Variants in RNGTT observed in about 807,000 individuals in gnomAD.
The protein encoded by RNGTT is RNA guanylyltransferase and 5'-phosphatase, also known as mRNA-capping enzyme.
RNGTT carries 33 observed loss-of-function variants against 79.3 expected under a neutral mutation model. The ratio of observed to expected loss-of-function variants is 0.42; its 90% CI spans 0.32 to 0.56. The LOEUF (loss-of-function observed/expected upper bound fraction) is 0.56. RNGTT is among the 20% of genes least tolerant of loss of function. RNGTT has a pLI of 0.17. For synonymous variants in RNGTT, 222 were observed against 235.9 expected (o/e 0.94, Z 0.54); for missense variants, 497 against 739.1 (o/e 0.67, Z 3.80).
At chr6:88,836,230 TTA>T (rs889546133) in intron 11 of RNGTT, among the ~76,000 whole-genome samples, 8 of 149,566 alleles carry the variant, frequency 5.3e-5, no homozygotes, top group Admixed American at 6.7e-5. Context: ...TGAATGAGAT[TTA>T]TATATATATA....
At chr6:88,803,681 G>C (rs898608542) in intron 11 of RNGTT, among the ~76,000 whole-genome samples, 1 of 130,434 alleles carries the variant, frequency 7.7e-6, no homozygotes, top group African/African-American at 2.9e-5. Context: ...AAAAAAAAAA[G>C]GTTAAAAAAA....
intron 4 of RNGTT, among the ~76,000 whole-genome samples, chr6:88,919,121 T>C (rs1784084920): frequency 6.6e-6 from 1 of 152,202 alleles, no homozygotes; most frequent in African/African-American, 2.4e-5. Flanking sequence ...ATGTGGGAGA[T>C]TATGTATTTG....
chr6:88,724,081 A>T (rs1776802576), intron 13 of RNGTT, among the ~76,000 whole-genome samples: 2 of 152,350 alleles, frequency 1.3e-5, no homozygotes, highest in Admixed American at 1.3e-4. Flanking sequence ...TTAAAAAAAA[A>T]TCCTAAAAGT....
Position 88,612,609 on chromosome 6 carries a change from G to T in RNGTT, c.*110C>A. 8.4e-7 allele frequency: 1 copy of T among 1,188,340 alleles called. No individual in the cohort carries two copies. The highest frequency in any genetic ancestry group is 1.2e-6 in the Non-Finnish European group (1 of 836,116). 73.6% of individuals were successfully genotyped at this position (1,188,340 alleles called of 1,614,324 possible). A position where few individuals can be genotyped will look rare whatever the true frequency, so the allele number is the denominator to read the frequency against. ...CTTTTTTTAAAAAAAATTCAAATGT[G>T]TATCAACATCAAGCCACAGTCGTTT... is the stretch of plus-strand genomic sequence containing the variant. On this transcript the variant is annotated 3_prime_UTR_variant, in exon 16 of 16. Coordinates refer to ENST00000369485, the MANE Select transcript of RNGTT (RefSeq NM_003800.5).
intron 13 of RNGTT, among the ~76,000 whole-genome samples, chr6:88,731,511 G>C (rs1008654951): frequency 6.6e-6 from 1 of 152,168 alleles, no homozygotes; most frequent in Non-Finnish European, 1.5e-5. Flanking sequence ...CTAATGGATA[G>C]ATAGTATGCA....
At chr6:88,787,588 G>T (rs12196560) in intron 12 of RNGTT, among the ~76,000 whole-genome samples, 1 of 152,234 alleles carries the variant, frequency 6.6e-6, no homozygotes, top group Non-Finnish European at 1.5e-5. Flanking sequence ...GAACCCAGGA[G>T]GCTGAGGTTG....
intron 13 of RNGTT, among the ~76,000 whole-genome samples, chr6:88,729,169 C>T (rs139096077): frequency 2.0e-5 from 3 of 152,148 alleles, no homozygotes; most frequent in Non-Finnish European, 2.9e-5. Context: ...GTGTCTCTCA[C>T]GACAGGCAGG....
intron 13 of RNGTT, among the ~76,000 whole-genome samples, chr6:88,749,842 A>G (rs1777783684): frequency 6.6e-6 from 1 of 152,180 alleles, no homozygotes; most frequent in East Asian, 1.9e-4. Flanking sequence ...CTGATAATCA[A>G]GATGTAGACA....
At chr6:88,823,087 A>G (rs932478344) in intron 11 of RNGTT, among the ~76,000 whole-genome samples, 2 of 152,244 alleles carry the variant, frequency 1.3e-5, no homozygotes, top group African/African-American at 4.8e-5. Context: ...AAAATAATTC[A>G]TAAATCAAAC....
chr6:88,757,234 A>T (rs1257918533), intron 13 of RNGTT, among the ~76,000 whole-genome samples: 1 of 152,228 alleles, frequency 6.6e-6, no homozygotes, highest in African/African-American at 2.4e-5. Context: ...ATGGAGATAC[A>T]TGAATGGGAG....
chr6:88,809,805 T>G (rs1411898396), intron 11 of RNGTT, among the ~76,000 whole-genome samples: 1 of 151,454 alleles, frequency 6.6e-6, no homozygotes, highest in Non-Finnish European at 1.5e-5. Flanking sequence ...TCCCAGCACT[T>G]TGGGAGGCTG....
Position 88,714,685 on chromosome 6 carries a change from G to A in RNGTT, c.1440-36266C>T, listed in dbSNP as rs565263012. On this transcript the variant is annotated intron_variant, in intron 13 of 15. Coordinates refer to ENST00000369485, the MANE Select transcript of RNGTT (RefSeq NM_003800.5). ...TCTCGATCTCCTGACCTCGTGATCC[G>A]CCCGCCTCGGCCTCCCAAAGTGCTG... Among the ~76,000 whole-genome samples, 724 of 89,962 alleles carry A rather than the reference G, an allele frequency of 8.0e-3. 85 individuals carry two copies. Among genetic ancestry groups the A allele is most frequent in the South Asian group, 0.027 (83 of 3,102 alleles). 59.0% of individuals were successfully genotyped at this position (89,962 alleles called of 152,430 possible).
At chr6:88,856,754 G>A (rs1321086) in intron 8 of RNGTT, among the ~76,000 whole-genome samples, 1 of 151,920 alleles carries the variant, frequency 6.6e-6, no homozygotes, top group Non-Finnish European at 1.5e-5. Flanking sequence ...CAAAAAGTAA[G>A]GAGCTATTTC....
At position 88,610,288 on chromosome 6, in the gene RNGTT, T is replaced by A. The variant is rs1235250393; in HGVS notation, c.*2431A>T. The A allele has an allele frequency of 6.6e-6, 1 of 152,650 alleles. No individual in the cohort carries two copies. 9.5% of individuals were successfully genotyped at this position (152,650 alleles called of 1,614,324 possible). ...CACTTATGCTAATTTAAATCAGTAG[T>A]TTTATTACAATACGCACTGACACAC... On this transcript the variant is annotated 3_prime_UTR_variant, in exon 16 of 16. Coordinates refer to ENST00000369485, the MANE Select transcript of RNGTT (RefSeq NM_003800.5).
In RNGTT at chr6:88,663,579, A is replaced by G. The variant is rs540360034; in HGVS notation, c.1506+14774T>C. On this transcript the variant is annotated intron_variant, in intron 14 of 15. Transcript: ENST00000369485. ...CTCCTACGGTTCTGTCCGACCCCAC[A>G]TCAGAGGATGCATGGCAGAAATGGC... Among the ~76,000 whole-genome samples, 60 of 152,274 alleles carry G rather than the reference A, an allele frequency of 3.9e-4. No homozygotes were observed. In the South Asian group the frequency reaches 8.9e-3, roughly 23 times the overall value.
intron 11 of RNGTT, among the ~76,000 whole-genome samples, chr6:88,822,527 C>T (rs1296075377): frequency 6.6e-6 from 1 of 152,158 alleles, no homozygotes; most frequent in African/African-American, 2.4e-5. Context: ...CAATTCACTA[C>T]AGTGTAAATA....
At position 88,928,877 on chromosome 6, in the gene RNGTT, T is replaced by C. The variant is rs941706332; in HGVS notation, c.367+108A>G. 1.4e-5 allele frequency: 10 copies of C among 726,666 alleles called. No individual in the cohort carries two copies. In the African/African-American group the frequency reaches 1.6e-4, roughly 12 times the overall value. 45.0% of individuals were successfully genotyped at this position (726,666 alleles called of 1,614,324 possible). On this transcript the variant is annotated intron_variant, in intron 4 of 15. Coordinates refer to ENST00000369485, the MANE Select transcript of RNGTT (RefSeq NM_003800.5). Reference sequence around the variant, plus strand: ...CATTTTAATAAACACTACTTGGTCATTATTTAAAACAGAAAAAACTTTCAT... The same window carrying C: ...CATTTTAATAAACACTACTTGGTCACTATTTAAAACAGAAAAAACTTTCAT...
intron 13 of RNGTT, among the ~76,000 whole-genome samples, chr6:88,755,425 A>C (rs183445669): frequency 1.3e-5 from 2 of 152,266 alleles, no homozygotes; most frequent in Admixed American, 1.3e-4. Context: ...TAAAAGTGAC[A>C]TTCATGTCTG....
intron 8 of RNGTT, among the ~76,000 whole-genome samples, chr6:88,875,362 G>A (rs1782485961): frequency 6.6e-6 from 1 of 151,782 alleles, no homozygotes; most frequent in Admixed American, 6.6e-5. Context: ...CCAAGGGGTG[G>A]GATAAAAGTT....
Sources: gnomAD v4.1 joint callset for allele counts (sites outside exome capture counted in the v4.1 genomes callset) on GRCh38, gnomAD v4.1.1 for gene constraint, MANE v1.5 for transcripts, NCBI Gene and HGNC (gene_info 2026-07-23, HGNC 2026-07-21) for gene names.